Variants in FAT4 observed in about 807,000 individuals in gnomAD.
FAT4 encodes FAT atypical cadherin 4.
A neutral mutation model predicts 303.9 loss-of-function variants in FAT4; 84 were observed. That is an observed-to-expected ratio of 0.28 (90% confidence interval 0.23 to 0.33). The LOEUF is 0.33. Ranked by LOEUF, FAT4 falls within the 10% of genes least tolerant of loss-of-function variation. The pLI is 1.00. For missense variants in FAT4, 6,005 were observed against 6,146.8 expected (o/e 0.98, Z 0.77); for synonymous variants, 2,307 against 2,298.8 (o/e 1.00, Z -0.10).
chr4:125,345,593 A>G (rs1424258087), intron 2 of FAT4, among the ~76,000 whole-genome samples: 1 of 152,166 alleles, frequency 6.6e-6, no homozygotes, highest in East Asian at 1.9e-4. Flanking sequence ...AAGGATTTTC[A>G]TCTTTCAAAT....
intron 7 of FAT4, 73 bp from the exon 8 acceptor site, chr4:125,434,172 C>A: frequency 7.1e-7 from 1 of 1,408,156 alleles, no homozygotes; most frequent in Non-Finnish European, 9.8e-7. Flanking sequence ...GTAATTCTGT[C>A]TACAGCTAAT....
At chr4:125,367,648 A>G (rs1173837040) in intron 2 of FAT4, among the ~76,000 whole-genome samples, 2 of 152,212 alleles carry the variant, frequency 1.3e-5, no homozygotes, top group Non-Finnish European at 2.9e-5. Context: ...TATCATAGAA[A>G]GTTAAGTTAT....
rs370644806 is a variant in FAT4, at chr4:125,451,881, A to G, written c.10871A>G (p.Asn3624Ser). 1.1e-5 allele frequency: 18 copies of G among 1,613,894 alleles called. No homozygotes were observed. The highest frequency in any genetic ancestry group is 1.4e-5 in the Non-Finnish European group (16 of 1,179,998). Residue 3624 changes from asparagine to serine, a missense_variant, in exon 10 of 18, where the codon AAT (asparagine) becomes AGT (serine). By Grantham distance (46) the Asn-to-Ser change is conservative. Transcript: ENST00000394329. ...TCTCGGACGGTGGAGATATTTGTTA[A>G]TTATTATGGTAACTTGTTTCCCGGT... ...SQSRTVEIFV[N>S]YYGNLFPGGI...
At chr4:125,486,562 C>T (rs1727419887) in intron 16 of FAT4, among the ~76,000 whole-genome samples, 1 of 152,132 alleles carries the variant, frequency 6.6e-6, no homozygotes, top group South Asian at 2.1e-4. Context: ...GCTCCCTGAA[C>T]CAAATGTTCA....
chr4:125,345,908 A>G (rs1189865615), intron 2 of FAT4, among the ~76,000 whole-genome samples: 3 of 152,108 alleles, frequency 2.0e-5, no homozygotes, highest in East Asian at 1.9e-4. Context: ...TATGAGATCA[A>G]TCTTTTGGAG....
At chr4:125,347,592 G>A (rs865882805) in intron 2 of FAT4, among the ~76,000 whole-genome samples, 7 of 151,372 alleles carry the variant, frequency 4.6e-5, no homozygotes, top group South Asian at 2.1e-4. Context: ...AAAATATAAA[G>A]CATAAATATA....
chr4:125,334,800 A>G (rs986981210), intron 2 of FAT4, among the ~76,000 whole-genome samples: 2 of 152,186 alleles, frequency 1.3e-5, no homozygotes, highest in Non-Finnish European at 2.9e-5. Flanking sequence ...TTAATTGCAC[A>G]AAAGTTAACC....
intron 2 of FAT4, among the ~76,000 whole-genome samples, chr4:125,332,748 A>C (rs907812096): frequency 5.9e-5 from 9 of 152,110 alleles, no homozygotes; most frequent in Admixed American, 3.3e-4. Flanking sequence ...TCTCCAGTCC[A>C]AAAAAGGGAA....
At chr4:125,474,052 G>A (rs17009753) in intron 12 of FAT4, among the ~76,000 whole-genome samples, 58,079 of 151,684 alleles carry the variant, frequency 0.38, 11,148 homozygotes, top group Middle Eastern at 0.47. Flanking sequence ...TGGTGGTAAA[G>A]CTATAAAAAT....
Position 125,318,977 on chromosome 4 carries a change from A to G in FAT4, c.2566A>G (p.Arg856Gly), listed in dbSNP as rs1477592495. ...GCTTACCACAGCAAATGTGATTGAT[A>G]GAGAAGAGCAATCCTTTTATCAGCT... ...GQLTTANVID[R>G]EEQSFYQLKV... is the part of the protein sequence containing the mutation. Residue 856 changes from arginine (R) to glycine (G), a missense_variant, in exon 2 of 18, where the codon AGA (arginine) becomes GGA (glycine). Physicochemically the swap from Arg to Gly is moderately radical, Grantham distance 125 (BLOSUM62 -2). Coordinates refer to ENST00000394329, the MANE Select transcript of FAT4 (RefSeq NM_001291303.3). The G allele has an allele frequency of 6.2e-7, 1 of 1,614,240 alleles. No homozygotes were observed. Among genetic ancestry groups the G allele is most frequent in the African/African-American group, 1.3e-5 (1 of 75,064 alleles).
Position 125,451,421 on chromosome 4 carries a change from G to T in FAT4, c.10411G>T (p.Asp3471Tyr), listed in dbSNP as rs1726067194. The T allele has an allele frequency of 6.2e-7, 1 of 1,614,032 alleles. No individual in the cohort carries two copies. Among genetic ancestry groups the T allele is most frequent in the African/African-American group, 1.3e-5 (1 of 74,904 alleles). The stretch of plus-strand genomic sequence containing the variant: ...ACAGATCACCGTTACTGCAGAATTA[G>T]ATCGAGAAACCCTTCCCATCTATAA... ...TGQITVTAEL[D>Y]RETLPIYNLS... is the part of the protein sequence containing the mutation. The change falls in exon 10 of 18, where the codon GAT (aspartate) becomes TAT (tyrosine). Residue 3471 changes from aspartate to tyrosine, a missense_variant. By Grantham distance (160) the Asp-to-Tyr change is radical (BLOSUM62 -3). Coordinates refer to ENST00000394329, the MANE Select transcript of FAT4 (RefSeq NM_001291303.3).
At chr4:125,351,897 C>T (rs11098809) in intron 2 of FAT4, among the ~76,000 whole-genome samples, 75,492 of 151,252 alleles carry the variant, frequency 0.5, 18,865 homozygotes, top group Admixed American at 0.56. Context: ...CAACTCAGAA[C>T]AAACTTGGTT....
intron 7 of FAT4, among the ~76,000 whole-genome samples, chr4:125,421,928 T>A (rs1056016652): frequency 6.6e-6 from 1 of 152,168 alleles, no homozygotes; most frequent in East Asian, 1.9e-4. Context: ...AATCAGGATA[T>A]TCCTTAAAAT....
At chr4:125,332,654 G>T (rs1196705677) in intron 2 of FAT4, among the ~76,000 whole-genome samples, 1 of 152,026 alleles carries the variant, frequency 6.6e-6, no homozygotes, top group African/African-American at 2.4e-5. Context: ...TTATGGAATT[G>T]TGTGTGTTTG....
At chr4:125,358,272 T>C (rs1247310047) in intron 2 of FAT4, among the ~76,000 whole-genome samples, 1 of 152,098 alleles carries the variant, frequency 6.6e-6, no homozygotes, top group African/African-American at 2.4e-5. Context: ...ACCGGTTTCA[T>C]GGAAGACAAT....
At chr4:125,376,567 G>A (rs192482640) in intron 2 of FAT4, among the ~76,000 whole-genome samples, 2 of 152,262 alleles carry the variant, frequency 1.3e-5, no homozygotes, top group African/African-American at 4.8e-5. Context: ...CCTGCACGTT[G>A]TGCACGTGAA....
rs768934622 is a variant in FAT4, at chr4:125,316,534, C to A, written c.123C>A (p.His41Gln). The change falls in exon 2 of 18, where the codon CAC (histidine) becomes CAA (glutamine). Residue 41 changes from histidine (H) to glutamine (Q), a missense_variant. Transcript: ENST00000394329. The surrounding 1 kb of genome is among the most constrained non-coding windows in gnomAD (Gnocchi z 5.7). ...LSLLPGQAWV[H>Q]GAEPRQVFQV... is the part of the protein sequence containing the mutation. ...TGCTTCCGGGGCAGGCCTGGGTCCA[C>A]GGGGCCGAGCCGCGCCAGGTGTTCC... The A allele has an allele frequency of 2.5e-6, 4 of 1,613,856 alleles. No homozygotes were observed. Among genetic ancestry groups the A allele is most frequent in the Non-Finnish European group, 2.5e-6 (3 of 1,180,020 alleles).
chr4:125,332,050 T>C (rs1731406367), intron 2 of FAT4, among the ~76,000 whole-genome samples: 1 of 152,098 alleles, frequency 6.6e-6, no homozygotes, highest in Non-Finnish European at 1.5e-5. Flanking sequence ...CTCTATAAAG[T>C]TTATTAGTGC....
chr4:125,422,469 G>A (rs1264109494), intron 7 of FAT4, among the ~76,000 whole-genome samples: 1 of 152,128 alleles, frequency 6.6e-6, no homozygotes, highest in Non-Finnish European at 1.5e-5. Context: ...CTGATAGTGA[G>A]TGAGTTCTTA....
Sources: allele counts gnomAD v4.1 joint callset (sites outside exome capture counted in the v4.1 genomes callset), GRCh38; gene constraint gnomAD v4.1.1; non-coding constraint Gnocchi (gnomAD v3.1); transcripts MANE v1.5; gene names NCBI Gene and HGNC (gene_info 2026-07-23, HGNC 2026-07-21).